The following TENM2 variants were observed in gnomAD, a reference collection of about 807,000 sequenced individuals.
TENM2 encodes the protein teneurin transmembrane protein 2.
Under a neutral mutation model 245.2 loss-of-function variants are expected in TENM2, and 52 were observed. The observed-to-expected ratio is 0.21, with a 90% CI of 0.17 to 0.27. The LOEUF is 0.27. Ranked by LOEUF, TENM2 falls within the 10% of genes least tolerant of loss-of-function variation. TENM2 has a pLI of 1.00. For missense variants in TENM2, 3,046 were observed against 3,666.8 expected (o/e 0.83, Z 4.37); for synonymous variants, 1,363 against 1,438.9 (o/e 0.95, Z 1.19).
chr5:167,016,283 A>AACC, the TENM2 span, among the ~76,000 whole-genome samples: 1 of 53,670 alleles, frequency 1.9e-5, no homozygotes, highest in African/African-American at 5.3e-5. Context: ...CAAACAAACA[A>AACC]AAAAAAAAAA....
At chr5:167,525,590 A>G (rs1312383091) in intron 2 of TENM2, among the ~76,000 whole-genome samples, 2 of 152,188 alleles carry the variant, frequency 1.3e-5, no homozygotes, top group African/African-American at 4.8e-5. Context: ...TTTATAGAAG[A>G]CACTCTGGGT....
chr5:167,840,886 C>A (rs1388524012), intron 2 of TENM2, among the ~76,000 whole-genome samples: 1 of 152,162 alleles, frequency 6.6e-6, no homozygotes, highest in South Asian at 2.1e-4. Flanking sequence ...GCACTCCCAG[C>A]CCTCCGTTTG....
At chr5:167,423,280 C>T (rs764066694) in intron 2 of TENM2, among the ~76,000 whole-genome samples, 12 of 152,154 alleles carry the variant, frequency 7.9e-5, no homozygotes, top group African/African-American at 2.9e-4. Flanking sequence ...AGATTAACTG[C>T]TAATCAGTGC....
chr5:168,199,202 C>G (rs1175646731), intron 16 of TENM2, 88 bp downstream of exon 18: 1 of 1,384,966 alleles, frequency 7.2e-7, no homozygotes, highest in African/African-American at 1.5e-5. Flanking sequence ...GGACCAGAAA[C>G]TAATATTGTA....
At chr5:168,034,060 TATATGTGTATATATATGTATAC>T (rs1390518456) in intron 5 of TENM2, among the ~76,000 whole-genome samples, 8,265 of 136,970 alleles carry the variant, frequency 0.06, 353 homozygotes, top group East Asian at 0.16. Context: ...TATATATATA[TATATGTGTATATATATGTATAC>T]ATATATATGT....
intron 2 of TENM2, among the ~76,000 whole-genome samples, chr5:167,759,476 G>A (rs1286549473): frequency 1.3e-5 from 2 of 152,182 alleles, no homozygotes; most frequent in South Asian, 2.1e-4. Context: ...AGCCTTGCAC[G>A]CTGTCATAAA....
chr5:167,277,529 T>A, the TENM2 span, among the ~76,000 whole-genome samples: 1 of 152,152 alleles, frequency 6.6e-6, no homozygotes, highest in Non-Finnish European at 1.5e-5. Context: ...TGATCCAAGA[T>A]ATGGTTTTAT....
chr5:168,172,511 C>T (rs1171780930), intron 13 of TENM2, among the ~76,000 whole-genome samples: 3 of 152,144 alleles, frequency 2.0e-5, no homozygotes, highest in Non-Finnish European at 4.4e-5. Flanking sequence ...AGTGGCTTGT[C>T]CAAGCTCCCA....
intron 13 of TENM2, chr5:168,185,128 CACTT>C (rs1760271851): frequency 6.6e-6 from 1 of 152,226 alleles, no homozygotes; most frequent in Non-Finnish European, 1.5e-5. Flanking sequence ...CAGCTGCCCA[CACTT>C]ACCCCTGTTG....
chr5:168,036,721 GTGTA>G (rs1787738161), intron 5 of TENM2, among the ~76,000 whole-genome samples: 1 of 138,556 alleles, frequency 7.2e-6, no homozygotes, highest in African/African-American at 2.7e-5. Context: ...ATATATGTAT[GTGTA>G]TATATATACG....
chr5:168,074,632 T>C (rs1186417584), intron 7 of TENM2, among the ~76,000 whole-genome samples: 1 of 152,172 alleles, frequency 6.6e-6, no homozygotes, highest in Non-Finnish European at 1.5e-5. Context: ...CCAGTCCCTC[T>C]GCAGTCTGGT....
intron 1 of TENM2, among the ~76,000 whole-genome samples, chr5:167,348,477 C>T (rs1264453389): frequency 6.6e-6 from 1 of 152,152 alleles, no homozygotes; most frequent in Non-Finnish European, 1.5e-5. Context: ...CTTAGGTTGT[C>T]CTCCAGGGAC....
chr5:167,907,946 G>A (rs1028560355), intron 3 of TENM2, among the ~76,000 whole-genome samples: 3 of 151,902 alleles, frequency 2.0e-5, no homozygotes, highest in African/African-American at 4.8e-5. Flanking sequence ...AAAGTTCTCC[G>A]GTTAATAAAG....
At chr5:168,238,235 A>AGGG (rs1765735615) in intron 25 of TENM2, among the ~76,000 whole-genome samples, 1 of 105,508 alleles carries the variant, frequency 9.5e-6, no homozygotes, top group African/African-American at 3.5e-5. Flanking sequence ...AAAAGAAAAG[A>AGGG]AAAGAAAAGA....
At chr5:167,981,233 T>G (rs76543967) in intron 4 of TENM2, among the ~76,000 whole-genome samples, 1,981 of 152,334 alleles carry the variant, frequency 0.013, 29 homozygotes, top group South Asian at 0.051. Context: ...GGCAGTCTGC[T>G]TCATTCACTT....
chr5:167,309,868 C>T (rs1755915069), intron 1 of TENM2: 2 of 152,178 alleles, frequency 1.3e-5, no homozygotes, highest in Non-Finnish European at 1.5e-5. Context: ...CCCGGAGACC[C>T]TTGTAGGAGA....
At chr5:167,853,289 C>CAAA (rs777170514) in intron 2 of TENM2, among the ~76,000 whole-genome samples, 270 of 24,598 alleles carry the variant, frequency 0.011, 33 homozygotes, top group African/African-American at 0.022. Flanking sequence ...GACTCCGTCT[C>CAAA]AAAAAAAAAA....
At chr5:168,057,779 T>C (rs907324270) in intron 6 of TENM2, among the ~76,000 whole-genome samples, 2 of 152,186 alleles carry the variant, frequency 1.3e-5, no homozygotes, top group Non-Finnish European at 2.9e-5. Flanking sequence ...ATATAGAGCT[T>C]CTAAAATTTT....
chr5:167,439,651 C>A (rs535105942), intron 2 of TENM2, among the ~76,000 whole-genome samples: 1 of 152,196 alleles, frequency 6.6e-6, no homozygotes, highest in South Asian at 2.1e-4. Flanking sequence ...ACGAATAATA[C>A]AATGCACATA....
Sources: gnomAD v4.1 joint callset for allele counts (sites outside exome capture counted in the v4.1 genomes callset) on GRCh38, gnomAD v4.1.1 for gene constraint, MANE v1.5 for transcripts, NCBI Gene and HGNC (gene_info 2026-07-23, HGNC 2026-07-21) for gene names.